The following MYBL2 variants were observed in gnomAD, a reference collection of about 807,000 sequenced individuals.
MYBL2 encodes myb-related protein B.
Under a neutral mutation model 79.9 loss-of-function variants are expected in MYBL2, and 28 were observed. The observed-to-expected ratio is 0.35, with a 90% CI of 0.26 to 0.48. MYBL2 has a LOEUF of 0.48. Ranked by LOEUF, MYBL2 falls within the 20% of genes least tolerant of loss-of-function variation. The pLI, the probability that MYBL2 is intolerant of heterozygous loss-of-function variation, is 0.99. For missense variants in MYBL2, 735 were observed against 893.9 expected, an observed-to-expected ratio of 0.82 and a Z score of 2.27; for synonymous variants, 378 against 361.2, an observed-to-expected ratio of 1.05 and a Z score of -0.53.
At chr20:43,706,719 G>GTTTGTTTTTTTTTT (rs1987791489) in intron 9 of MYBL2, among the ~76,000 whole-genome samples, 1 of 70,780 alleles carries the variant, frequency 1.4e-5, no homozygotes, top group Non-Finnish European at 2.5e-5. Flanking sequence ...AAAAAAAAAA[G>GTTTGTTTTTTTTTT]TTTTTTTTTT....
intron 6 of MYBL2, among the ~76,000 whole-genome samples, chr20:43,698,183 T>G (rs1987594630): frequency 6.6e-6 from 1 of 151,358 alleles, no homozygotes; most frequent in Non-Finnish European, 1.5e-5. Flanking sequence ...TTTCTTTATT[T>G]TATAAAGGTA....
At chr20:43,693,323 T>G (rs916253946) in intron 6 of MYBL2, among the ~76,000 whole-genome samples, 1 of 152,152 alleles carries the variant, frequency 6.6e-6, no homozygotes, top group Non-Finnish European at 1.5e-5. Context: ...TGAGCCACCA[T>G]GTCTGGCACT....
intron 5 of MYBL2, among the ~76,000 whole-genome samples, chr20:43,690,725 G>T (rs1377349055): frequency 6.6e-6 from 1 of 151,846 alleles, no homozygotes; most frequent in Non-Finnish European, 1.5e-5. Flanking sequence ...CAAAGAAGGT[G>T]GTGACTACTA....
At chr20:43,691,640 A>G (rs1173355961) in intron 5 of MYBL2, among the ~76,000 whole-genome samples, 3 of 151,840 alleles carry the variant, frequency 2.0e-5, no homozygotes, top group South Asian at 2.1e-4. Flanking sequence ...CCTGGGTTCA[A>G]GCGATTCTCC....
chr20:43,690,466 T>C (rs749265009), intron 5 of MYBL2, among the ~76,000 whole-genome samples: 1 of 151,686 alleles, frequency 6.6e-6, no homozygotes, highest in African/African-American at 2.4e-5. Flanking sequence ...AGGGCTCTTA[T>C]GCAGATAAAG....
In MYBL2 at chr20:43,692,082, G is replaced by A. The variant is rs1486261542; in HGVS notation, c.501-75G>A. On this transcript the variant is annotated intron_variant, in intron 5 of 13. Coordinates refer to ENST00000217026, the MANE Select transcript of MYBL2 (RefSeq NM_002466.4). ...TTTACAGGAGCAGGAACTTGGCTTA[G>A]GGAGGTTAGTGATGTGCCTGATGGC... The A allele has an allele frequency of 2.3e-5, 34 of 1,459,898 alleles. No homozygotes were observed. The Middle Eastern group carries it at 7.0e-4, about 30-fold the overall frequency. 90.4% of individuals were successfully genotyped at this position (1,459,898 alleles called of 1,614,324 possible). A position where few individuals can be genotyped will look rare whatever the true frequency, so the allele number is the denominator to read the frequency against.
rs139557291 is a variant in MYBL2, at chr20:43,706,925, A to C, written c.1505+1567A>C. Among the ~76,000 whole-genome samples, 1,185 of 151,386 alleles carry C rather than the reference A, an allele frequency of 7.8e-3. 22 individuals are homozygous for C. Among genetic ancestry groups the C allele is most frequent in the African/African-American group, 0.027 (1,105 of 41,312 alleles). Reference sequence around the variant, plus strand: ...GAAACGAGGTTTCACCGTGTTGGTCAGGCTGGTCTCAAACTCCTGACCTTG... The same window carrying C: ...GAAACGAGGTTTCACCGTGTTGGTCCGGCTGGTCTCAAACTCCTGACCTTG... On this transcript the variant is annotated intron_variant, in intron 9 of 13. Transcript: ENST00000217026.
chr20:43,699,350 T>C (rs2145726524), intron 6 of MYBL2, among the ~76,000 whole-genome samples: 1 of 152,344 alleles, frequency 6.6e-6, no homozygotes, highest in East Asian at 1.9e-4. Flanking sequence ...CCAACCTCTG[T>C]GTATTACTTC....
At chr20:43,708,485 G>A (rs1271344099) in intron 9 of MYBL2, among the ~76,000 whole-genome samples, 3 of 152,062 alleles carry the variant, frequency 2.0e-5, no homozygotes, top group Non-Finnish European at 4.4e-5. Context: ...CCGGGTTGGA[G>A]TGCAGTGGTG....
chr20:43,700,039 G>A lies in MYBL2; in HGVS notation c.946G>A (p.Glu316Lys), dbSNP rs1474424772. Residue 316 changes from glutamate to lysine, a missense_variant, in exon 7 of 14, where the codon GAG becomes AAG. Coordinates refer to ENST00000217026, the MANE Select transcript of MYBL2 (RefSeq NM_002466.4). Reference sequence around the variant, plus strand: ...CCTCTCTGAAGCCCTGGACTTGATCGAGTCGGTATGTTGGTCACAACACTT... The same window carrying A: ...CCTCTCTGAAGCCCTGGACTTGATCAAGTCGGTATGTTGGTCACAACACTT... Reference protein sequence around the residue: ...SSLSEALDLIESDPDAWCDLS... With the variant: ...SSLSEALDLIKSDPDAWCDLS... The A allele has an allele frequency of 1.2e-6, 2 of 1,613,212 alleles. No homozygotes were observed. Among genetic ancestry groups the A allele is most frequent in the Non-Finnish European group, 8.5e-7 (1 of 1,179,792 alleles).
chr20:43,715,988 CG>C lies in MYBL2; in HGVS notation c.2010del (p.Thr671ProfsTer18), dbSNP rs1568885247. On this transcript the variant is annotated frameshift_variant, in exon 14 of 14. Coordinates refer to ENST00000217026, the MANE Select transcript of MYBL2 (RefSeq NM_002466.4). LOFTEE classifies it high-confidence loss of function. The part of the protein sequence containing the change: ...MSSAWKTVAC[G>X]GTRDQLFMQE... ...CCAGTGCCTGGAAGACGGTGGCCTG[CG>C]GGGGGACCAGGGACCAGCTTTTCAT... The C allele has an allele frequency of 1.9e-6, 3 of 1,612,018 alleles. No individual in the cohort carries two copies. Among genetic ancestry groups the C allele is most frequent in the Admixed American group, 1.7e-5 (1 of 59,872 alleles).
At chr20:43,706,705 CAAAA>C (rs796756025) in intron 9 of MYBL2, among the ~76,000 whole-genome samples, 1 of 38,088 alleles carries the variant, frequency 2.6e-5, no homozygotes, top group Non-Finnish European at 5.8e-5. Flanking sequence ...TGTCTGTACA[CAAAA>C]AAAAAAAAAG....
In MYBL2 at chr20:43,716,220, C is replaced by T. The variant is rs1421597305; in HGVS notation, c.*133C>T. The T allele has an allele frequency of 6.6e-5, 92 of 1,401,324 alleles. No homozygotes were observed. The highest frequency in any genetic ancestry group is 8.4e-5 in the Non-Finnish European group (87 of 1,034,654). The allele number at this position is 1,401,324 out of a possible 1,614,324, so 86.8% of individuals were successfully genotyped here. On this transcript the variant is annotated 3_prime_UTR_variant, in exon 14 of 14. Transcript: ENST00000217026. ...TGCCACCAGCCCCTCCCCAGACTCTCAGGTGGAGGCAACAGGGCCATGTGC... is the reference window on the plus strand; with the variant it reads ...TGCCACCAGCCCCTCCCCAGACTCTTAGGTGGAGGCAACAGGGCCATGTGC...
intron 4 of MYBL2, among the ~76,000 whole-genome samples, chr20:43,684,098 T>C (rs1458115664): frequency 6.6e-6 from 1 of 152,078 alleles, no homozygotes; most frequent in Non-Finnish European, 1.5e-5. Context: ...CTAATCTTTT[T>C]GAAAAATTTT....
At chr20:43,669,965 G>A (rs1403367103) in intron 1 of MYBL2, among the ~76,000 whole-genome samples, 1 of 152,180 alleles carries the variant, frequency 6.6e-6, no homozygotes, top group Non-Finnish European at 1.5e-5. Context: ...TTAGCCGGGC[G>A]TGGTGGTAGG....
chr20:43,710,295 CATG>C (rs1987877218), intron 10 of MYBL2, among the ~76,000 whole-genome samples: 1 of 152,204 alleles, frequency 6.6e-6, no homozygotes. Context: ...GTGCTAGAGA[CATG>C]GTGGTATCCC....
chr20:43,675,968 G>A (rs1987000941), intron 2 of MYBL2, among the ~76,000 whole-genome samples: 1 of 149,226 alleles, frequency 6.7e-6, no homozygotes, highest in Non-Finnish European at 1.5e-5. Context: ...GCAGTGGTGT[G>A]ATCTCAGCTC....
At position 43,715,264 on chromosome 20, in the gene MYBL2, A is replaced by G; in HGVS notation, c.1955A>G (p.His652Arg). 1 of 1,614,130 alleles carries G rather than the reference A, an allele frequency of 6.2e-7. No homozygotes were observed. Among genetic ancestry groups the G allele is most frequent in the Non-Finnish European group, 8.5e-7 (1 of 1,180,022 alleles). ...KAAVAQKPRS[H>R]FTTPAPMSSA... ...GCAGTGGCCCAGAAGCCCCGAAGCC[A>G]CTTCACGACACCTGCCCCTGTGAGT... Residue 652 changes from histidine (H) to arginine (R), a missense_variant, in exon 13 of 14, where the codon CAC becomes CGC. Around this residue, in one of 5 missense-constraint regions of MYBL2, gnomAD observed 204 missense variants for 202.9 expected, o/e 1.01. Coordinates refer to ENST00000217026, the MANE Select transcript of MYBL2 (RefSeq NM_002466.4).
intron 2 of MYBL2, among the ~76,000 whole-genome samples, chr20:43,680,188 G>A (rs146012817): frequency 1.5e-4 from 23 of 151,786 alleles, no homozygotes; most frequent in African/African-American, 2.9e-4. Flanking sequence ...CTGCCACCAC[G>A]CTGGGCTAAT....
Sources: allele counts gnomAD v4.1 joint callset (sites outside exome capture counted in the v4.1 genomes callset), GRCh38; gene constraint gnomAD v4.1.1; regional missense constraint gnomAD v4.1.1; transcripts MANE v1.5; gene names NCBI Gene and HGNC (gene_info 2026-07-23, HGNC 2026-07-21).